Variants in IL1RAPL1 observed in about 807,000 individuals in gnomAD.
IL1RAPL1 encodes interleukin-1 receptor accessory protein-like 1.
Under a neutral mutation model 48.4 loss-of-function variants are expected in IL1RAPL1, and 3 were observed. The ratio of observed to expected loss-of-function variants is 0.06; its 90% CI spans 0.03 to 0.16. IL1RAPL1 has a LOEUF of 0.16. IL1RAPL1 is among the 10% of genes least tolerant of loss of function. The probability of loss-of-function intolerance (pLI) is 1.00; values close to 1 mark genes in which losing one functional copy is unlikely to be tolerated. For missense variants in IL1RAPL1, 349 were observed against 530.6 expected (o/e 0.66, Z 3.36); for synonymous variants, 185 against 187.7 (o/e 0.99, Z 0.12).
intron 1 of IL1RAPL1, among the ~76,000 whole-genome samples, chrX:28,673,548 G>T (rs1934967726): frequency 8.9e-6 from 1 of 111,925 alleles, no homozygotes; most frequent in African/African-American, 3.3e-5. Flanking sequence ...TTTCCAGGTG[G>T]GTAGCACATT....
intron 3 of IL1RAPL1, among the ~76,000 whole-genome samples, chrX:29,287,441 G>A (rs866444357): frequency 3.6e-5 from 4 of 112,271 alleles, no homozygotes; most frequent in Admixed American, 9.5e-5. Context: ...GAATAAATGC[G>A]CAAGAGTGAA....
In IL1RAPL1 at chrX:29,045,950, C is replaced by CTCCTTCT. The variant is rs1555956647; in HGVS notation, c.83-236984_83-236983insTCTTCCT. Among the ~76,000 whole-genome samples, 505 of 72,226 alleles carry CTCCTTCT rather than the reference C, an allele frequency of 7.0e-3. 8 individuals are homozygous for CTCCTTCT. The highest frequency in any genetic ancestry group is 0.022 in the South Asian group (23 of 1,064). 62.7% of individuals were successfully genotyped at this position (72,226 alleles called of 115,157 possible). ...CTCCTCCTCCTCCTTCTTCCTCCTC[C>CTCCTTCT]TCCTCCTCCTCCTCCTTCTTCTCCT... On this transcript the variant is annotated intron_variant, in intron 2 of 10. Coordinates refer to ENST00000378993, the MANE Select transcript of IL1RAPL1 (RefSeq NM_014271.4).
chrX:29,769,842 C>A (rs1272069701), intron 6 of IL1RAPL1, among the ~76,000 whole-genome samples: 1 of 109,725 alleles, frequency 9.1e-6, no homozygotes. Context: ...GTCTCGAACT[C>A]CTGACCTCGT....
chrX:29,112,870 G>C (rs1928602812), intron 2 of IL1RAPL1, among the ~76,000 whole-genome samples: 1 of 99,799 alleles, frequency 1.0e-5, no homozygotes, highest in South Asian at 5.5e-4. Context: ...CGAGATCTCA[G>C]CTCACTGCAA....
intron 5 of IL1RAPL1, among the ~76,000 whole-genome samples, chrX:29,412,261 A>T (rs1176557110): frequency 9.3e-6 from 1 of 107,018 alleles, no homozygotes; most frequent in East Asian, 2.9e-4. Context: ...ACAGAACAAG[A>T]CTCCATCAAA....
chrX:28,693,065 CTG>C (rs747867298), intron 1 of IL1RAPL1, among the ~76,000 whole-genome samples: 154 of 111,858 alleles, frequency 1.4e-3, no homozygotes, highest in Non-Finnish European at 2.5e-3. Flanking sequence ...GTTTAAAACA[CTG>C]TGTTTCAATA....
chrX:29,307,022 A>G (rs1932636800), intron 3 of IL1RAPL1, among the ~76,000 whole-genome samples: 1 of 111,009 alleles, frequency 9.0e-6, no homozygotes, highest in Non-Finnish European at 1.9e-5. Context: ...TGTAGCTACT[A>G]CTTTAGTGTC....
chrX:29,245,039 TC>T (rs1197604141), intron 2 of IL1RAPL1, among the ~76,000 whole-genome samples: 6 of 110,375 alleles, frequency 5.4e-5, no homozygotes, highest in African/African-American at 2.0e-4. Context: ...GGTTTTCTGT[TC>T]CTGTGTTAGT....
At chrX:29,912,052 A>T (rs1384761682) in intron 6 of IL1RAPL1, among the ~76,000 whole-genome samples, 1 of 112,320 alleles carries the variant, frequency 8.9e-6, no homozygotes, top group Non-Finnish European at 1.9e-5. Context: ...AGTTTTGAGT[A>T]TCTATTATTT....
chrX:29,444,687 A>T (rs1266017134), intron 5 of IL1RAPL1, among the ~76,000 whole-genome samples: 2 of 112,074 alleles, frequency 1.8e-5, no homozygotes, highest in African/African-American at 6.5e-5. Context: ...GCAGGGTGTT[A>T]TACTTCATTT....
chrX:28,704,841 A>AAC lies in IL1RAPL1; in HGVS notation c.-24-84478_-24-84477insCA, dbSNP rs1569155084. Among the ~76,000 whole-genome samples the AAC allele has an allele frequency of 6.4e-4, 68 of 105,538 alleles. 4 individuals are homozygous for AAC. The highest frequency in any genetic ancestry group is 2.4e-3 in the African/African-American group (68 of 28,396). 91.6% of individuals were successfully genotyped at this position (105,538 alleles called of 115,157 possible). ...ACACACACACACACACAAAAAAAAA[A>AAC]AAAAAAAACTGTGACTGGAGCATGA... is the stretch of plus-strand genomic sequence containing the variant. On this transcript the variant is annotated intron_variant, in intron 1 of 10. Coordinates refer to ENST00000378993, the MANE Select transcript of IL1RAPL1 (RefSeq NM_014271.4).
chrX:29,867,321 A>G (rs910187645), intron 6 of IL1RAPL1, among the ~76,000 whole-genome samples: 2 of 111,779 alleles, frequency 1.8e-5, no homozygotes, highest in African/African-American at 6.5e-5. Context: ...TAGAATTCCT[A>G]TTTTGAAAAT....
chrX:29,354,594 C>T (rs1200100470), intron 3 of IL1RAPL1, among the ~76,000 whole-genome samples: 1 of 112,131 alleles, frequency 8.9e-6, no homozygotes, highest in Non-Finnish European at 1.9e-5. Context: ...CTCACTTCTG[C>T]TGTTCAGCAT....
intron 5 of IL1RAPL1, among the ~76,000 whole-genome samples, chrX:29,584,158 T>C (rs113193022): frequency 3.6e-5 from 4 of 111,181 alleles, no homozygotes; most frequent in African/African-American, 9.8e-5. Flanking sequence ...CTTCCCAGTA[T>C]GTAACCACTG....
At chrX:28,956,765 T>G (rs1284849801) in intron 2 of IL1RAPL1, among the ~76,000 whole-genome samples, 52 of 108,360 alleles carry the variant, frequency 4.8e-4, no homozygotes, top group Non-Finnish European at 2.3e-4. Context: ...ATCAGAATGA[T>G]GCTGGCCTCA....
intron 6 of IL1RAPL1, among the ~76,000 whole-genome samples, chrX:29,719,700 C>T (rs181187932): frequency 1.6e-3 from 162 of 101,094 alleles, no homozygotes; most frequent in Non-Finnish European, 2.7e-3. Flanking sequence ...TATTCCCAGA[C>T]CAGTTCTCAC....
Position 29,416,424 on chromosome X carries a change from T to C in IL1RAPL1, c.703+17116T>C, listed in dbSNP as rs138887696. On this transcript the variant is annotated intron_variant, in intron 5 of 10. Transcript: ENST00000378993. ...GGTGGCACACACCTGTAGTCCCAGC[T>C]ACTCGGGAAGCCGAGGCATGAGAAT... Among the ~76,000 whole-genome samples, 375 of 110,784 alleles carry C rather than the reference T, an allele frequency of 3.4e-3. 4 individuals are homozygous for C. In the East Asian group the frequency reaches 0.037, roughly 11 times the overall value.
chrX:29,489,124 C>A lies in IL1RAPL1; in HGVS notation c.703+89816C>A, dbSNP rs371732857. ...GATTGCAGAAAGGGGAGTCTCGTGA[C>A]ATTTCTGCAACATTTTTTGAGAACA... is the stretch of plus-strand genomic sequence containing the variant. On this transcript the variant is annotated intron_variant, in intron 5 of 10. Transcript: ENST00000378993. Among the ~76,000 whole-genome samples the A allele has an allele frequency of 5.4e-5, 6 of 111,678 alleles. No individual in the cohort carries two copies. In the East Asian group the frequency reaches 1.7e-3, roughly 31 times the overall value.
intron 2 of IL1RAPL1, among the ~76,000 whole-genome samples, chrX:29,078,691 T>A (rs1927737829): frequency 8.9e-6 from 1 of 112,199 alleles, no homozygotes. Flanking sequence ...TATTCTATAC[T>A]GAGTATAGAC....
Sources: gnomAD v4.1 joint callset for allele counts (sites outside exome capture counted in the v4.1 genomes callset) on GRCh38, gnomAD v4.1.1 for gene constraint, MANE v1.5 for transcripts, NCBI Gene and HGNC (gene_info 2026-07-23, HGNC 2026-07-21) for gene names.